CALCRL: variants seen among roughly 807,000 people sequenced by gnomAD.
The protein encoded by CALCRL is calcitonin gene-related peptide type 1 receptor.
A neutral mutation model predicts 60.4 loss-of-function variants in CALCRL; 27 were observed. The observed-to-expected ratio is 0.45, with a 90% CI of 0.33 to 0.62. The LOEUF is 0.62. Among genes scored for constraint, CALCRL ranks in the 20% least tolerant of loss-of-function variants. CALCRL has a pLI of 0.03. For missense variants in CALCRL, 424 were observed against 540.7 expected, an observed-to-expected ratio of 0.78 and a Z score of 2.14; for synonymous variants, 190 against 182.6, an observed-to-expected ratio of 1.04 and a Z score of -0.33.
chr2:187,444,834 G>A (rs1360482855), intron 1 of CALCRL, among the ~76,000 whole-genome samples: 1 of 151,380 alleles, frequency 6.6e-6, no homozygotes, highest in African/African-American at 2.4e-5. Context: ...AAGGAAAAAT[G>A]CAGAGATTAA....
intron 1 of CALCRL, among the ~76,000 whole-genome samples, chr2:187,401,698 C>A (rs1688894012): frequency 6.6e-6 from 1 of 151,512 alleles, no homozygotes; most frequent in Admixed American, 6.6e-5. Flanking sequence ...AGGAGTGGAG[C>A]ACTGACAATT....
chr2:187,390,959 T>C (rs1018736000), intron 1 of CALCRL, among the ~76,000 whole-genome samples: 1 of 152,116 alleles, frequency 6.6e-6, no homozygotes, highest in Non-Finnish European at 1.5e-5. Context: ...CTATCAAAGT[T>C]TCCTTGCCAG....
chr2:187,433,308 G>T (rs1007193739), intron 1 of CALCRL, among the ~76,000 whole-genome samples: 1 of 151,964 alleles, frequency 6.6e-6, no homozygotes, highest in African/African-American at 2.4e-5. Context: ...TGCTATGAAA[G>T]AATCTTTCCA....
rs368252533 is a variant in CALCRL at position 187,359,856 on chromosome 2, G to A, written c.782-584C>T. ...GAATACACTAAAATTGTGGGTGTGC[G>A]TGTGTGTGTATATATACACCTCTGT... On this transcript the variant is annotated intron_variant, in intron 10 of 14. Transcript: ENST00000392370. Among the ~76,000 whole-genome samples the A allele has an allele frequency of 4.2e-4, 64 of 152,014 alleles. No homozygotes were observed. The South Asian group carries it at 8.3e-3, about 20-fold the overall frequency.
At chr2:187,362,213 A>T (rs1687084691) in intron 9 of CALCRL, among the ~76,000 whole-genome samples, 1 of 152,088 alleles carries the variant, frequency 6.6e-6, no homozygotes, top group Non-Finnish European at 1.5e-5. Flanking sequence ...TATTAAACAC[A>T]TCTTTGCGTA....
chr2:187,374,607 T>C (rs1247273346), intron 8 of CALCRL, among the ~76,000 whole-genome samples: 2 of 152,152 alleles, frequency 1.3e-5, no homozygotes. Context: ...TTTCTCAGTG[T>C]TCCCCAGGTC....
intron 1 of CALCRL, among the ~76,000 whole-genome samples, chr2:187,420,596 T>A (rs1689826577): frequency 6.6e-6 from 1 of 152,158 alleles, no homozygotes; most frequent in Admixed American, 6.5e-5. Context: ...CCAAAATTGA[T>A]GGTAAATATT....
At position 187,429,459 on chromosome 2, in the gene CALCRL, AG is replaced by A. The variant is rs1301512554; in HGVS notation, c.-293+18579del. 4.6e-5 allele frequency among the ~76,000 whole-genome samples: 7 copies of A among 152,324 alleles called. No homozygotes were observed. The East Asian group carries it at 1.2e-3, about 25-fold the overall frequency. On this transcript the variant is annotated intron_variant, in intron 1 of 14. Transcript: ENST00000392370. Reference sequence around the variant, plus strand: ...GTTTAGAGACAGAAATTAGGAGTTCAGGAGGGTTTTGTGATGTGCTTTATAT... The same window carrying A: ...GTTTAGAGACAGAAATTAGGAGTTCAGAGGGTTTTGTGATGTGCTTTATAT...
chr2:187,365,648 T>A (rs1687244431), intron 8 of CALCRL, among the ~76,000 whole-genome samples: 1 of 152,120 alleles, frequency 6.6e-6, no homozygotes, highest in African/African-American at 2.4e-5. Context: ...TAAGATATAT[T>A]TGTAAGAAGT....
chr2:187,404,727 A>G (rs1021369812), intron 1 of CALCRL, among the ~76,000 whole-genome samples: 8 of 151,850 alleles, frequency 5.3e-5, no homozygotes, highest in Admixed American at 1.3e-4. Flanking sequence ...GACGAAAGTA[A>G]GTAAAAAAGA....
intron 1 of CALCRL, among the ~76,000 whole-genome samples, chr2:187,389,127 C>T (rs566834756): frequency 4.7e-5 from 7 of 148,184 alleles, no homozygotes; most frequent in South Asian, 4.2e-4. Flanking sequence ...AGCTGGAGTG[C>T]AGTGGTACGA....
intron 1 of CALCRL, among the ~76,000 whole-genome samples, chr2:187,403,879 A>T (rs1689001799): frequency 6.6e-6 from 1 of 151,898 alleles, no homozygotes; most frequent in African/African-American, 2.4e-5. Context: ...TAGATCTTCC[A>T]GTGTAAAAGA....
At chr2:187,416,085 T>C (rs2105860377) in intron 1 of CALCRL, among the ~76,000 whole-genome samples, 1 of 152,274 alleles carries the variant, frequency 6.6e-6, no homozygotes, top group Admixed American at 6.5e-5. Flanking sequence ...TATTGAAAAA[T>C]GCTAAGAGAG....
At chr2:187,401,299 A>G (rs1046929392) in intron 1 of CALCRL, among the ~76,000 whole-genome samples, 3 of 151,682 alleles carry the variant, frequency 2.0e-5, no homozygotes, top group Non-Finnish European at 3.0e-5. Flanking sequence ...TGATATTCAC[A>G]TTGTAAAACA....
intron 14 of CALCRL, among the ~76,000 whole-genome samples, chr2:187,348,986 T>A (rs978814337): frequency 3.3e-5 from 5 of 151,722 alleles, no homozygotes; most frequent in Non-Finnish European, 7.4e-5. Flanking sequence ...ACATTACAAC[T>A]TTATATACCC....
intron 1 of CALCRL, among the ~76,000 whole-genome samples, chr2:187,442,465 A>T (rs1192883075): frequency 6.6e-6 from 1 of 151,828 alleles, no homozygotes; most frequent in Non-Finnish European, 1.5e-5. Context: ...CTTAAAATGA[A>T]TTATGTTAAG....
intron 8 of CALCRL, among the ~76,000 whole-genome samples, chr2:187,378,120 CAAG>C (rs1559050659): frequency 6.6e-6 from 1 of 151,100 alleles, no homozygotes; most frequent in Admixed American, 6.6e-5. Flanking sequence ...AAAAGAAGAA[CAAG>C]AAGAAGGAGA....
In CALCRL at chr2:187,344,175, AGTTGAAGGTCTAGAACAGCCTGC is replaced by A. The variant is rs1686191711; in HGVS notation, c.*1986_*2008del. 1 of 151,634 alleles carries A rather than the reference AGTTGAAGGTCTAGAACAGCCTGC, an allele frequency of 6.6e-6. No individual in the cohort carries two copies. 9.4% of individuals were successfully genotyped at this position (151,634 alleles called of 1,614,324 possible). A position where few individuals can be genotyped will look rare whatever the true frequency, so the allele number is the denominator to read the frequency against. On this transcript the variant is annotated 3_prime_UTR_variant, in exon 15 of 15. Coordinates refer to ENST00000392370, the MANE Select transcript of CALCRL (RefSeq NM_005795.6). ...AAATGAATTTTTGTATAATTTAGGC[AGTTGAAGGTCTAGAACAGCCTGC>A]GTTCCTTTCTATGGCAGCTTGCTAT...
rs114302895 is a variant in CALCRL at position 187,446,236 on chromosome 2, A to G, written c.-293+1803T>C. Among the ~76,000 whole-genome samples, 209 of 151,844 alleles carry G rather than the reference A, an allele frequency of 1.4e-3. 2 individuals are homozygous for G. The highest frequency in any genetic ancestry group is 4.9e-3 in the African/African-American group (205 of 41,546). ...GTAAATTCATTTCTTTATGGCTAAA[A>G]GCATGCATTGATATTCTGATATTTT... On this transcript the variant is annotated intron_variant, in intron 1 of 14. Transcript: ENST00000392370.
Sources: allele counts gnomAD v4.1 joint callset (sites outside exome capture counted in the v4.1 genomes callset), GRCh38; gene constraint gnomAD v4.1.1; transcripts MANE v1.5; gene names NCBI Gene and HGNC (gene_info 2026-07-23, HGNC 2026-07-21).